The following LINGO2 variants were observed in gnomAD, a reference collection of about 807,000 sequenced individuals.
LINGO2 encodes leucine-rich repeat and immunoglobulin-like domain-containing nogo receptor-interacting protein 2.
A neutral mutation model predicts 30.6 loss-of-function variants in LINGO2; 14 were observed. The observed-to-expected ratio is 0.46, with a 90% CI of 0.30 to 0.72. LINGO2 has a LOEUF of 0.72. Ranked by LOEUF, LINGO2 falls within the 30% of genes least tolerant of loss-of-function variation. The pLI, the probability that LINGO2 is intolerant of heterozygous loss-of-function variation, is 0.07. For missense variants in LINGO2, 729 were observed against 751.7 expected (o/e 0.97, Z 0.35); for synonymous variants, 317 against 288.5 (o/e 1.10, Z -1.00).
the LINGO2 span, among the ~76,000 whole-genome samples, chr9:29,071,511 ATATATATG>A: frequency 0.087 from 8,504 of 97,620 alleles, 177 homozygotes; most frequent in East Asian, 0.18. Context: ...ATATATATAT[ATATATATG>A]TATATGTATA....
the LINGO2 span, among the ~76,000 whole-genome samples, chr9:28,883,628 GTATATATATATATA>G: frequency 0.011 from 706 of 64,182 alleles, 75 homozygotes; most frequent in African/African-American, 0.038. Context: ...ATGTGTGTGT[GTATATATATATATA>G]TATATATATA....
intron 4 of LINGO2, among the ~76,000 whole-genome samples, chr9:28,160,407 T>A (rs1185088633): frequency 6.6e-6 from 1 of 152,214 alleles, no homozygotes; most frequent in Non-Finnish European, 1.5e-5. Flanking sequence ...CGCTGTCAAA[T>A]TATTTATTGC....
At chr9:28,069,073 G>A (rs1454913388) in intron 4 of LINGO2, among the ~76,000 whole-genome samples, 1 of 152,104 alleles carries the variant, frequency 6.6e-6, no homozygotes, top group Non-Finnish European at 1.5e-5. Context: ...TCAAAAGCAA[G>A]AAAATGCTAT....
chr9:27,954,925 A>C (rs1273202067), intron 5 of LINGO2, among the ~76,000 whole-genome samples: 2 of 152,056 alleles, frequency 1.3e-5, no homozygotes, highest in Non-Finnish European at 2.9e-5. Flanking sequence ...ATTTTTTGTC[A>C]TTTTAATAAT....
At chr9:28,783,304 C>T in the LINGO2 span, among the ~76,000 whole-genome samples, 1 of 152,068 alleles carries the variant, frequency 6.6e-6, no homozygotes. Context: ...ATAACCTGTG[C>T]AAATCCTCCC....
At chr9:28,884,691 G>T in the LINGO2 span, among the ~76,000 whole-genome samples, 5 of 39,762 alleles carry the variant, frequency 1.3e-4, no homozygotes, top group Non-Finnish European at 3.1e-4. Flanking sequence ...TATAGTGTAT[G>T]TATGTGTATA....
At chr9:29,074,842 T>C in the LINGO2 span, among the ~76,000 whole-genome samples, 1 of 151,512 alleles carries the variant, frequency 6.6e-6, no homozygotes, top group Non-Finnish European at 1.5e-5. Context: ...TAATTTGCTT[T>C]TTTTTTTGTA....
chr9:29,153,636 A>C, the LINGO2 span, among the ~76,000 whole-genome samples: 1 of 152,220 alleles, frequency 6.6e-6, no homozygotes, highest in Non-Finnish European at 1.5e-5. Flanking sequence ...AAACATTACA[A>C]GTTCTTTTTG....
At chr9:28,972,035 G>T in the LINGO2 span, among the ~76,000 whole-genome samples, 1 of 152,188 alleles carries the variant, frequency 6.6e-6, no homozygotes, top group Admixed American at 6.5e-5. Context: ...CGAATCTTTT[G>T]GAAGACCATC....
chr9:28,663,451 G>T (rs1194408902), intron 1 of LINGO2, among the ~76,000 whole-genome samples: 1 of 152,110 alleles, frequency 6.6e-6, no homozygotes, highest in South Asian at 2.1e-4. Flanking sequence ...GATTACAGGC[G>T]TGAGCCACCG....
the LINGO2 span, among the ~76,000 whole-genome samples, chr9:28,954,467 C>A: frequency 6.6e-6 from 1 of 151,976 alleles, no homozygotes; most frequent in African/African-American, 2.4e-5. Flanking sequence ...AAGTGACCTG[C>A]CATTTTGTTT....
the LINGO2 span, among the ~76,000 whole-genome samples, chr9:28,724,518 C>T: frequency 6.6e-6 from 1 of 152,110 alleles, no homozygotes; most frequent in African/African-American, 2.4e-5. Context: ...ACCTCTCATT[C>T]CCTTGGGGTA....
At chr9:28,500,155 G>T (rs1819828294) in intron 1 of LINGO2, among the ~76,000 whole-genome samples, 1 of 152,106 alleles carries the variant, frequency 6.6e-6, no homozygotes. Context: ...CACTGTGTGG[G>T]TCTTCTGACT....
At chr9:28,533,748 G>A (rs891335004) in intron 1 of LINGO2, among the ~76,000 whole-genome samples, 1 of 152,052 alleles carries the variant, frequency 6.6e-6, no homozygotes, top group African/African-American at 2.4e-5. Flanking sequence ...AGTAAATGAT[G>A]GTTAATATTT....
chr9:28,817,314 A>T, the LINGO2 span, among the ~76,000 whole-genome samples: 1 of 152,226 alleles, frequency 6.6e-6, no homozygotes, highest in Admixed American at 6.5e-5. Context: ...ACAGAAAGCT[A>T]TCTTAACTAA....
At chr9:28,419,896 A>G (rs1823120785) in intron 2 of LINGO2, among the ~76,000 whole-genome samples, 1 of 152,086 alleles carries the variant, frequency 6.6e-6, no homozygotes, top group Non-Finnish European at 1.5e-5. Flanking sequence ...GTGGCTGCCA[A>G]TATAAAAGGT....
the LINGO2 span, among the ~76,000 whole-genome samples, chr9:28,898,680 T>G: frequency 6.6e-6 from 1 of 152,266 alleles, no homozygotes; most frequent in Non-Finnish European, 1.5e-5. Context: ...ATACAGTTGT[T>G]ATTTTTTGAC....
At chr9:28,544,338 G>C (rs1447518089) in intron 1 of LINGO2, among the ~76,000 whole-genome samples, 1 of 152,108 alleles carries the variant, frequency 6.6e-6, no homozygotes, top group African/African-American at 2.4e-5. Context: ...AAAAACTACT[G>C]TATCTGGAAA....
the LINGO2 span, among the ~76,000 whole-genome samples, chr9:29,202,165 T>C: frequency 5.3e-5 from 8 of 151,862 alleles, no homozygotes; most frequent in South Asian, 1.2e-3. Context: ...GAAAGATAAA[T>C]AGGCCAATGA....
Sources: gnomAD v4.1 joint callset for allele counts (sites outside exome capture counted in the v4.1 genomes callset) on GRCh38, gnomAD v4.1.1 for gene constraint, MANE v1.5 for transcripts, NCBI Gene and HGNC (gene_info 2026-07-23, HGNC 2026-07-21) for gene names.